HMGCLL1: variants seen among roughly 807,000 people sequenced by gnomAD.
The protein encoded by HMGCLL1 is 3-hydroxy-3-methylglutaryl-CoA lyase like 1, also known as 3-hydroxymethyl-3-methylglutaryl-CoA lyase, cytoplasmic.
A neutral mutation model predicts 39.1 loss-of-function variants in HMGCLL1; 36 were observed. That is an observed-to-expected ratio of 0.92 (90% CI 0.71 to 1.22). The LOEUF (loss-of-function observed/expected upper bound fraction) is 1.22, where lower values mean the gene tolerates loss of function less well. Ranked by LOEUF, HMGCLL1 falls within the 50% of genes most tolerant of loss-of-function variation. The pLI, the probability that HMGCLL1 is intolerant of heterozygous loss-of-function variation, is 0.00. For missense variants in HMGCLL1, 451 were observed against 416.5 expected (o/e 1.08, Z -0.72); for synonymous variants, 149 against 144.0 (o/e 1.03, Z -0.25).
chr6:55,517,603 A>G (rs139516504), intron 3 of HMGCLL1, among the ~76,000 whole-genome samples: 13 of 152,054 alleles, frequency 8.5e-5, no homozygotes, highest in African/African-American at 3.1e-4. Context: ...TTTTGAATTT[A>G]AAAAATTAAA....
At chr6:55,653,697 A>G in the HMGCLL1 span, among the ~76,000 whole-genome samples, 2 of 152,134 alleles carry the variant, frequency 1.3e-5, no homozygotes, top group South Asian at 2.1e-4. Flanking sequence ...GGTATTACCA[A>G]TAGGAACCCT....
chr6:55,462,938 G>A (rs73744301), intron 7 of HMGCLL1, among the ~76,000 whole-genome samples: 21 of 151,846 alleles, frequency 1.4e-4, no homozygotes, highest in African/African-American at 3.1e-4. Flanking sequence ...ACAAGGAATC[G>A]CCCCAGAACT....
intron 1 of HMGCLL1, among the ~76,000 whole-genome samples, chr6:55,562,199 T>A (rs1165327626): frequency 2.6e-5 from 4 of 152,194 alleles, no homozygotes; most frequent in African/African-American, 9.6e-5. Context: ...TAATGTAGTT[T>A]AGATATATTC....
the HMGCLL1 span, among the ~76,000 whole-genome samples, chr6:55,640,534 A>C: frequency 6.6e-6 from 1 of 151,780 alleles, no homozygotes; most frequent in African/African-American, 2.4e-5. Flanking sequence ...AAAACATAAA[A>C]ATGTAAAACC....
At chr6:55,539,886 GA>G (rs1174720496) in intron 3 of HMGCLL1, among the ~76,000 whole-genome samples, 113 of 136,494 alleles carry the variant, frequency 8.3e-4, no homozygotes, top group African/African-American at 3.1e-3. Flanking sequence ...AAGAAAGAAA[GA>G]AAGAAAGAAA....
chr6:55,607,706 C>T, the HMGCLL1 span, among the ~76,000 whole-genome samples: 2 of 152,200 alleles, frequency 1.3e-5, no homozygotes, highest in African/African-American at 4.8e-5. Flanking sequence ...TCTACTCACT[C>T]TTGCTTTCTT....
intron 7 of HMGCLL1, among the ~76,000 whole-genome samples, chr6:55,494,114 G>T (rs1041258498): frequency 6.6e-6 from 1 of 152,070 alleles, no homozygotes; most frequent in Non-Finnish European, 1.5e-5. Flanking sequence ...ACCGCATTGG[G>T]GTATTAGCAA....
At chr6:55,646,039 G>A in the HMGCLL1 span, among the ~76,000 whole-genome samples, 1 of 151,716 alleles carries the variant, frequency 6.6e-6, no homozygotes, top group Non-Finnish European at 1.5e-5. Context: ...TTTCTTTACT[G>A]GAAGATTTTT....
chr6:55,592,273 A>G, the HMGCLL1 span, among the ~76,000 whole-genome samples: 1 of 151,922 alleles, frequency 6.6e-6, no homozygotes, highest in Admixed American at 6.6e-5. Flanking sequence ...TTATTACCCT[A>G]ATTTTTATAC....
chr6:55,444,223 A>G (rs1763721276), intron 7 of HMGCLL1, among the ~76,000 whole-genome samples: 1 of 152,114 alleles, frequency 6.6e-6, no homozygotes. Context: ...TTGGGTGAGC[A>G]ATTATTTAGT....
chr6:55,565,427 A>G (rs955136874), intron 1 of HMGCLL1, among the ~76,000 whole-genome samples: 10 of 152,108 alleles, frequency 6.6e-5, no homozygotes, highest in African/African-American at 2.4e-4. Flanking sequence ...TACTCTATTA[A>G]TGGTTAATGT....
At chr6:55,676,040 G>A in the HMGCLL1 span, among the ~76,000 whole-genome samples, 1 of 152,110 alleles carries the variant, frequency 6.6e-6, no homozygotes, top group South Asian at 2.1e-4. Flanking sequence ...CTGAAGATTG[G>A]CCTTATGTGT....
intron 6 of HMGCLL1, among the ~76,000 whole-genome samples, chr6:55,498,468 A>C (rs1000292968): frequency 1.3e-5 from 2 of 152,116 alleles, no homozygotes; most frequent in Non-Finnish European, 1.5e-5. Context: ...CTTTAGCTAA[A>C]CTGAAACTTT....
intron 7 of HMGCLL1, among the ~76,000 whole-genome samples, chr6:55,462,978 A>G (rs1239761001): frequency 5.3e-5 from 8 of 151,922 alleles, no homozygotes; most frequent in Admixed American, 5.3e-4. Context: ...AAACTCACAA[A>G]GGAGTTATGC....
At chr6:55,508,455 T>A (rs1286874200) in intron 5 of HMGCLL1, among the ~76,000 whole-genome samples, 2 of 151,846 alleles carry the variant, frequency 1.3e-5, no homozygotes, top group Non-Finnish European at 2.9e-5. Flanking sequence ...TATCGAATAC[T>A]TATTATTTCC....
chr6:55,613,166 T>A, the HMGCLL1 span, among the ~76,000 whole-genome samples: 1 of 152,132 alleles, frequency 6.6e-6, no homozygotes, highest in East Asian at 1.9e-4. Context: ...AAAGAAGACA[T>A]TTATGCAGCC....
chr6:55,497,447 T>C (rs1424133473), intron 6 of HMGCLL1, among the ~76,000 whole-genome samples: 3 of 152,166 alleles, frequency 2.0e-5, no homozygotes, highest in Admixed American at 1.3e-4. Context: ...TCATTTAATA[T>C]GCATTTCTTC....
chr6:55,451,521 GC>G (rs1250090047), intron 7 of HMGCLL1, among the ~76,000 whole-genome samples: 3 of 151,966 alleles, frequency 2.0e-5, no homozygotes, highest in Non-Finnish European at 4.4e-5. Flanking sequence ...TTGCACTCCT[GC>G]CTGGGCAACA....
chr6:55,533,354 G>A (rs879066355), intron 3 of HMGCLL1, among the ~76,000 whole-genome samples: 1 of 151,782 alleles, frequency 6.6e-6, no homozygotes, highest in African/African-American at 2.4e-5. Flanking sequence ...TTCAATAAGA[G>A]ATAAGTTTGC....
Sources: allele counts gnomAD v4.1 joint callset (sites outside exome capture counted in the v4.1 genomes callset), GRCh38; gene constraint gnomAD v4.1.1; transcripts MANE v1.5; gene names NCBI Gene and HGNC (gene_info 2026-07-23, HGNC 2026-07-21).